Variants in MTMR12 observed in about 807,000 individuals in gnomAD.
The protein encoded by MTMR12 is myotubularin-related protein 12.
A neutral mutation model predicts 96.7 loss-of-function variants in MTMR12; 33 were observed. The ratio of observed to expected loss-of-function variants is 0.34; its 90% CI spans 0.26 to 0.46. The LOEUF (loss-of-function observed/expected upper bound fraction) is 0.46. Ranked by LOEUF, MTMR12 falls within the 20% of genes least tolerant of loss-of-function variation. The pLI is 1.00. For synonymous variants in MTMR12, 298 were observed against 327.2 expected (o/e 0.91, Z 0.96); for missense variants, 721 against 896.1 (o/e 0.80, Z 2.49).
At chr5:32,240,893 G>A (rs1748441620) in intron 12 of MTMR12, among the ~76,000 whole-genome samples, 2 of 152,194 alleles carry the variant, frequency 1.3e-5, no homozygotes, top group Non-Finnish European at 2.9e-5. Context: ...GAGCCACCGT[G>A]TCCAGCCACA....
intron 1 of MTMR12, among the ~76,000 whole-genome samples, chr5:32,289,310 A>G (rs1426851521): frequency 2.0e-5 from 3 of 152,232 alleles, no homozygotes; most frequent in Non-Finnish European, 4.4e-5. Flanking sequence ...ACTAGTTTGA[A>G]TTATAAAAAC....
intron 8 of MTMR12, among the ~76,000 whole-genome samples, chr5:32,254,433 C>T (rs1749064159): frequency 1.3e-5 from 2 of 152,182 alleles, no homozygotes; most frequent in Admixed American, 1.3e-4. Context: ...AGTTTCCCTT[C>T]AGAATGTCCT....
Position 32,228,556 on chromosome 5 carries a change from GATATATATATATC to G in MTMR12, c.*1209_*1221del, listed in dbSNP as rs1350170291. 8.1e-6 allele frequency: 1 copy of G among 122,764 alleles called. No homozygotes were observed. The highest frequency in any genetic ancestry group is 3.2e-5 in the African/African-American group (1 of 30,898). 7.6% of individuals were successfully genotyped at this position (122,764 alleles called of 1,614,324 possible). A position where few individuals can be genotyped will look rare whatever the true frequency, so the allele number is the denominator to read the frequency against. On this transcript the variant is annotated 3_prime_UTR_variant, in exon 16 of 16. Coordinates refer to ENST00000382142, the MANE Select transcript of MTMR12 (RefSeq NM_001040446.3). ...TATGATATATATATCATATATATGT[GATATATATATATC>G]ATATATATATCATATATATGTGATA...
At position 32,286,977 on chromosome 5, in the gene MTMR12, A is replaced by T. The variant is rs529484208; in HGVS notation, c.82-10235T>A. On this transcript the variant is annotated intron_variant, in intron 1 of 15. Transcript: ENST00000382142. ...CAGCACCTAAGTCCTCAGAGAACAC[A>T]GGAGTCTGACAGCCTTGGTAGAAAT... Among the ~76,000 whole-genome samples the T allele has an allele frequency of 2.0e-5, 3 of 152,324 alleles. No individual in the cohort carries two copies. In the South Asian group the frequency reaches 6.2e-4, roughly 32 times the overall value.
rs1316483201 is a variant in MTMR12, at chr5:32,227,639, G to A, written c.*2139C>T. On this transcript the variant is annotated 3_prime_UTR_variant, in exon 16 of 16. Transcript: ENST00000382142. ...GTATAAATATTCACGTTATAACGTG[G>A]TAACAAAAATAGCTCCATAGCATAT... 6.5e-6 allele frequency: 1 copy of A among 152,752 alleles called. No individual in the cohort carries two copies. Among genetic ancestry groups the A allele is most frequent in the Middle Eastern group, 3.4e-3 (1 of 294 alleles). 9.5% of individuals were successfully genotyped at this position (152,752 alleles called of 1,614,324 possible).
At position 32,233,821 on chromosome 5, in the gene MTMR12, C is replaced by T; in HGVS notation, c.1626G>A (p.Val542=). The T allele has an allele frequency of 6.2e-7, 1 of 1,614,192 alleles. No homozygotes were observed. Among genetic ancestry groups the T allele is most frequent in the Non-Finnish European group, 8.5e-7 (1 of 1,180,034 alleles). The part of the protein sequence containing the change: ...AQTLLKNPLY[V]EKPKLDKGQR... ...GGCCTTTGTCCAGTTTTGGCTTTTC[C>T]ACATAAAGAGGGTTTTTGAGCAATG... Residue 542 remains valine, a synonymous_variant, in exon 15 of 16, where the codon GTG becomes GTA. Transcript: ENST00000382142. The surrounding 1 kb of genome is among the most constrained non-coding windows in gnomAD (Gnocchi z 5.0).
intron 1 of MTMR12, among the ~76,000 whole-genome samples, chr5:32,302,640 C>T (rs1751197281): frequency 6.6e-6 from 1 of 151,976 alleles, no homozygotes. Flanking sequence ...TCGCTTGAAC[C>T]CGGCAGGCGG....
At chr5:32,286,270 G>T (rs921832018) in intron 1 of MTMR12, among the ~76,000 whole-genome samples, 1 of 152,166 alleles carries the variant, frequency 6.6e-6, no homozygotes, top group Non-Finnish European at 1.5e-5. Flanking sequence ...AACCTCAGGA[G>T]GTGGAGGCTG....
rs765929568 is a variant in MTMR12 at position 32,230,177 on chromosome 5, G to A, written c.1845C>T (p.Ser615=). The change falls in exon 16 of 16, where the codon AGC becomes AGT. Residue 615 remains serine (S), a synonymous_variant. Transcript: ENST00000382142. ...GGTAGTCAGTGGACTTGCTATGCCA[G>A]CTGTCATAGAACTCTCGAAAGTTGT... ...LQDNFREFYD[S]WHSKSTDYHG... is the part of the protein sequence containing the mutation. 5.0e-6 allele frequency: 8 copies of A among 1,614,094 alleles called. No individual in the cohort carries two copies. The African/African-American group carries it at 9.3e-5, about 19-fold the overall frequency.
Position 32,230,194 on chromosome 5 carries a change from G to A in MTMR12, c.1828C>T (p.Arg610Ter). Reference protein sequence around the residue: ...NSSDELQDNFREFYDSWHSKS... With the variant: ...NSSDELQDNF The stretch of plus-strand genomic sequence containing the variant: ...CTATGCCAGCTGTCATAGAACTCTC[G>A]AAAGTTGTCTTGGAGCTCATCAGAA... The change falls in exon 16 of 16, where the codon CGA becomes TGA. Residue 610 changes from arginine (R) to a stop codon, truncating the protein, a stop_gained. Coordinates refer to ENST00000382142, the MANE Select transcript of MTMR12 (RefSeq NM_001040446.3). LOFTEE classifies it high-confidence loss of function. 4 of 1,614,176 alleles carry A rather than the reference G, an allele frequency of 2.5e-6. No homozygotes were observed. The highest frequency in any genetic ancestry group is 3.4e-6 in the Non-Finnish European group (4 of 1,180,018).
intron 6 of MTMR12, among the ~76,000 whole-genome samples, chr5:32,267,377 G>GAAAAAAAA (rs751223074): frequency 0.015 from 1,308 of 89,832 alleles, 17 homozygotes; most frequent in Non-Finnish European, 0.023. Flanking sequence ...CTCCATCTCA[G>GAAAAAAAA]AAAAAAAAAA....
At chr5:32,311,148 T>C (rs1180596440) in intron 1 of MTMR12, among the ~76,000 whole-genome samples, 1 of 152,206 alleles carries the variant, frequency 6.6e-6, no homozygotes, top group Non-Finnish European at 1.5e-5. Context: ...TCAGCCACCA[T>C]GCCCAGCCCA....
At chr5:32,257,684 G>C (rs529691394) in intron 7 of MTMR12, among the ~76,000 whole-genome samples, 1 of 152,026 alleles carries the variant, frequency 6.6e-6, no homozygotes, top group Non-Finnish European at 1.5e-5. Flanking sequence ...CAGAGGAATC[G>C]CTGAACCTGT....
At chr5:32,251,398 G>A (rs1423667391) in intron 8 of MTMR12, among the ~76,000 whole-genome samples, 1 of 152,178 alleles carries the variant, frequency 6.6e-6, no homozygotes, top group African/African-American at 2.4e-5. Context: ...GGACCATGAA[G>A]GAGGTCAGCA....
intron 1 of MTMR12, among the ~76,000 whole-genome samples, chr5:32,304,572 T>C (rs963924879): frequency 6.6e-6 from 1 of 152,204 alleles, no homozygotes; most frequent in South Asian, 2.1e-4. Context: ...CACCATCACA[T>C]AGGGTGGTTT....
intron 8 of MTMR12, among the ~76,000 whole-genome samples, chr5:32,254,843 T>TA (rs1416803636): frequency 2.0e-5 from 3 of 151,806 alleles, no homozygotes; most frequent in Admixed American, 6.6e-5. Flanking sequence ...AAACTCCGTC[T>TA]AAAAAAAACA....
At chr5:32,257,688 A>G (rs1402753550) in intron 7 of MTMR12, among the ~76,000 whole-genome samples, 1 of 152,064 alleles carries the variant, frequency 6.6e-6, no homozygotes, top group Non-Finnish European at 1.5e-5. Context: ...GGAATCGCTG[A>G]ACCTGTGAGG....
At chr5:32,268,645 G>T in intron 6 of MTMR12, 56 bp downstream of exon 6, 1 of 1,450,442 alleles carries the variant, frequency 6.9e-7, no homozygotes, top group Non-Finnish European at 9.7e-7. Flanking sequence ...ACTGGCTTCA[G>T]GTGGGAATTG....
At chr5:32,269,123 T>G (rs918528145) in intron 5 of MTMR12, among the ~76,000 whole-genome samples, 13 of 151,978 alleles carry the variant, frequency 8.6e-5, no homozygotes, top group African/African-American at 3.1e-4. Context: ...GCCTCCTGGG[T>G]TCAAGCGATT....
Sources: gnomAD v4.1 joint callset for allele counts (sites outside exome capture counted in the v4.1 genomes callset) on GRCh38, gnomAD v4.1.1 for gene constraint, Gnocchi (gnomAD v3.1) non-coding constraint, MANE v1.5 for transcripts, NCBI Gene and HGNC (gene_info 2026-07-23, HGNC 2026-07-21) for gene names.